Variants in ARID1B observed in about 807,000 individuals in gnomAD.
The protein encoded by ARID1B is AT-rich interactive domain-containing protein 1B.
In ARID1B, 30 loss-of-function variants were observed where a neutral mutation model predicts 212.3. The ratio of observed to expected loss-of-function variants is 0.14; its 90% CI spans 0.11 to 0.19. ARID1B has a LOEUF of 0.19. Among genes scored for constraint, ARID1B ranks in the 10% least tolerant of loss-of-function variants. The pLI is 1.00. For missense variants in ARID1B, 2,891 were observed against 3,204.0 expected (o/e 0.90, Z 2.36); for synonymous variants, 1,402 against 1,301.7 (o/e 1.08, Z -1.66).
chr6:157,188,076 T>C (rs1793105985), intron 13 of ARID1B, among the ~76,000 whole-genome samples: 1 of 152,044 alleles, frequency 6.6e-6, no homozygotes. Context: ...TAAGTATGAG[T>C]GAATACATTT....
intron 8 of ARID1B, chr6:157,151,544 A>G (rs899836647): frequency 2.0e-5 from 3 of 152,228 alleles, no homozygotes; most frequent in African/African-American, 4.8e-5. Context: ...TATTATTCTC[A>G]ATTTCAACAC....
intron 2 of ARID1B, among the ~76,000 whole-genome samples, chr6:156,838,435 C>T (rs1437476646): frequency 6.6e-6 from 1 of 152,138 alleles, no homozygotes; most frequent in Non-Finnish European, 1.5e-5. Context: ...AAGAAAGCTT[C>T]AGTCTGAGAT....
chr6:156,881,465 A>G (rs1787090850), intron 2 of ARID1B, among the ~76,000 whole-genome samples: 1 of 152,210 alleles, frequency 6.6e-6, no homozygotes, highest in Admixed American at 6.5e-5. Flanking sequence ...GCACACATCT[A>G]TGTATATATA....
chr6:157,145,668 G>A (rs1325917446), intron 7 of ARID1B, among the ~76,000 whole-genome samples: 3 of 152,198 alleles, frequency 2.0e-5, no homozygotes, highest in Admixed American at 6.5e-5. Flanking sequence ...TTACATAAAT[G>A]TGCTTTTTCT....
intron 5 of ARID1B, among the ~76,000 whole-genome samples, chr6:157,109,613 A>C (rs1786750569): frequency 6.6e-6 from 1 of 152,188 alleles, no homozygotes; most frequent in African/African-American, 2.4e-5. Context: ...CCAAAAAGTG[A>C]GTTGAGATCA....
chr6:156,827,980 C>G (rs1782870006), intron 1 of ARID1B, among the ~76,000 whole-genome samples: 1 of 151,214 alleles, frequency 6.6e-6, no homozygotes, highest in Non-Finnish European at 1.5e-5. Flanking sequence ...AGGCTGGTCT[C>G]AAATTCCTGA....
chr6:157,148,979 C>G lies in ARID1B; in HGVS notation c.3089+28C>G. On this transcript the variant is annotated intron_variant, in intron 8 of 19. Transcript: ENST00000636930. This position sits in a 1 kb window ranked among gnomAD's most constrained non-coding sequence, Gnocchi z 5.6. Reference sequence around the variant, plus strand: ...ACGCCACCCAGGAGCACGCCCCGGGCAGGTACGCTGTGTGTCTACCCGTGA... The same window carrying G: ...ACGCCACCCAGGAGCACGCCCCGGGGAGGTACGCTGTGTGTCTACCCGTGA... The G allele has an allele frequency of 6.3e-7, 1 of 1,590,980 alleles. No individual in the cohort carries two copies. The highest frequency in any genetic ancestry group is 8.6e-7 in the Non-Finnish European group (1 of 1,167,108).
intron 7 of ARID1B, among the ~76,000 whole-genome samples, chr6:157,133,728 C>T (rs1310210161): frequency 1.3e-5 from 2 of 152,108 alleles, no homozygotes; most frequent in African/African-American, 2.4e-5. Flanking sequence ...TGTGACTCTT[C>T]GGAGACAGGA....
rs182737656 is a variant in ARID1B at position 157,073,897 on chromosome 6, G to T, written c.2248-10765G>T. On this transcript the variant is annotated intron_variant, in intron 4 of 19. Coordinates refer to ENST00000636930, the MANE Select transcript of ARID1B (RefSeq NM_001374828.1). The stretch of plus-strand genomic sequence containing the variant: ...ACTCAGTTAACTCTCTCAACACTGT[G>T]AGTTCATTATTTATTATCCACATGC... Among the ~76,000 whole-genome samples the T allele has an allele frequency of 1.5e-4, 23 of 152,282 alleles. No homozygotes were observed. In the East Asian group the frequency reaches 3.7e-3, roughly 24 times the overall value.
Position 157,033,255 on chromosome 6 carries a change from A to G in ARID1B, c.2248-51407A>G, listed in dbSNP as rs117876572. Reference sequence around the variant, plus strand: ...ATATGTTGTAATTATTACAAGGTTTAATCTTTAGTACAATATGACTTTATT... The same window carrying G: ...ATATGTTGTAATTATTACAAGGTTTGATCTTTAGTACAATATGACTTTATT... On this transcript the variant is annotated intron_variant, in intron 4 of 19. Coordinates refer to ENST00000636930, the MANE Select transcript of ARID1B (RefSeq NM_001374828.1). 3.3e-4 allele frequency among the ~76,000 whole-genome samples: 50 copies of G among 152,326 alleles called. 2 individuals are homozygous for G. In the East Asian group the frequency reaches 9.6e-3, roughly 29 times the overall value.
intron 4 of ARID1B, among the ~76,000 whole-genome samples, chr6:157,083,851 C>T (rs1275367211): frequency 2.6e-5 from 4 of 152,120 alleles, no homozygotes; most frequent in Admixed American, 2.0e-4. Flanking sequence ...AAGAATTTCT[C>T]GGCCAGGCAC....
At chr6:156,809,133 T>G (rs1781387523) in intron 1 of ARID1B, among the ~76,000 whole-genome samples, 1 of 152,234 alleles carries the variant, frequency 6.6e-6, no homozygotes, top group African/African-American at 2.4e-5. Context: ...TTACTTACTC[T>G]GTACTTTCAA....
At chr6:157,019,727 C>T (rs925038632) in intron 4 of ARID1B, among the ~76,000 whole-genome samples, 10 of 152,198 alleles carry the variant, frequency 6.6e-5, no homozygotes, top group Non-Finnish European at 1.3e-4. Context: ...GCTCACTCAA[C>T]TGTCATCTAA....
At chr6:157,151,617 G>T (rs1790203412) in intron 8 of ARID1B, 1 of 152,122 alleles carries the variant, frequency 6.6e-6, no homozygotes, top group Non-Finnish European at 1.5e-5. Flanking sequence ...TGTAATATCA[G>T]GTTCTGTCAC....
chr6:156,958,158 T>C (rs1053785052), intron 4 of ARID1B, among the ~76,000 whole-genome samples: 1 of 152,178 alleles, frequency 6.6e-6, no homozygotes, highest in Non-Finnish European at 1.5e-5. Context: ...TGTAGTCCAA[T>C]CCATGCCTTC....
intron 3 of ARID1B, among the ~76,000 whole-genome samples, chr6:156,912,172 G>C (rs1201754893): frequency 6.6e-6 from 1 of 151,924 alleles, no homozygotes; most frequent in Non-Finnish European, 1.5e-5. Flanking sequence ...GGCAGACTAG[G>C]TGCTCTCAAT....
intron 11 of ARID1B, among the ~76,000 whole-genome samples, chr6:157,178,793 A>T (rs1316247818): frequency 6.6e-6 from 1 of 152,230 alleles, no homozygotes; most frequent in African/African-American, 2.4e-5. Flanking sequence ...TCTCAGGCCT[A>T]TTCCAGCTTG....
intron 4 of ARID1B, chr6:156,942,106 T>C (rs1384687529): frequency 1.3e-5 from 2 of 152,202 alleles, no homozygotes; most frequent in Non-Finnish European, 2.9e-5. Context: ...ACCCATTTTA[T>C]AGGAGTGTCA....
chr6:157,028,840 G>A (rs1055187776), intron 4 of ARID1B, among the ~76,000 whole-genome samples: 14 of 152,210 alleles, frequency 9.2e-5, no homozygotes, highest in African/African-American at 3.1e-4. Flanking sequence ...ATCATGCCCT[G>A]TAGCATAGGC....
Sources: gnomAD v4.1 joint callset for allele counts (sites outside exome capture counted in the v4.1 genomes callset) on GRCh38, gnomAD v4.1.1 for gene constraint, Gnocchi (gnomAD v3.1) non-coding constraint, MANE v1.5 for transcripts, NCBI Gene and HGNC (gene_info 2026-07-23, HGNC 2026-07-21) for gene names.